Variants in DCHS2 observed in about 807,000 individuals in gnomAD.
The protein encoded by DCHS2 is protocadherin-23.
DCHS2 carries 142 observed loss-of-function variants against 182.4 expected under a neutral mutation model. The observed-to-expected ratio is 0.78, with a 90% CI of 0.68 to 0.89. The LOEUF (loss-of-function observed/expected upper bound fraction) is 0.89, where lower values mean the gene tolerates loss of function less well. Ranked by LOEUF, DCHS2 falls within the 40% of genes least tolerant of loss-of-function variation. DCHS2 has a pLI of 0.00. For missense variants in DCHS2, 4,319 were observed against 4,198.6 expected (o/e 1.03, Z -0.79); for synonymous variants, 1,740 against 1,663.3 (o/e 1.05, Z -1.12).
In DCHS2 at chr4:154,259,803, ATTCTT is replaced by A. The variant is rs1330195817; in HGVS notation, c.6578-52_6578-48del. The A allele has an allele frequency of 1.1e-5, 17 of 1,509,070 alleles. No individual in the cohort carries two copies. The African/African-American group carries it at 2.0e-4, about 18-fold the overall frequency. The allele number at this position is 1,509,070 out of a possible 1,614,324, so 93.5% of individuals were successfully genotyped here. On this transcript the variant is annotated intron_variant, in intron 14 of 19. Transcript: ENST00000357232. Reference sequence around the variant, plus strand: ...AAAAAAAGAAAATGATGTTGTAGTTATTCTTTTATTTTTTATTTTATTTATTTATT... The same window carrying A: ...AAAAAAAGAAAATGATGTTGTAGTTATTATTTTTTATTTTATTTATTTATT...
At chr4:154,297,653 G>A (rs1380220181) in intron 13 of DCHS2, among the ~76,000 whole-genome samples, 198 bp downstream of exon 13, 1 of 152,100 alleles carries the variant, frequency 6.6e-6, no homozygotes, top group Non-Finnish European at 1.5e-5. Context: ...GAAGGAATTT[G>A]GTCCTCACTG....
At chr4:154,267,888 A>G (rs543338356) in intron 14 of DCHS2, among the ~76,000 whole-genome samples, 20 of 152,348 alleles carry the variant, frequency 1.3e-4, no homozygotes, top group African/African-American at 4.8e-4. Context: ...TACTTGCAGT[A>G]AATGGCTTAG....
chr4:154,350,956 A>C (rs2111406649), intron 3 of DCHS2, among the ~76,000 whole-genome samples: 1 of 152,350 alleles, frequency 6.6e-6, no homozygotes, highest in Middle Eastern at 3.4e-3. Context: ...CAGGAAAAGA[A>C]GGGATGGCCA....
chr4:154,385,583 G>T (rs1167655605), intron 1 of DCHS2, among the ~76,000 whole-genome samples: 1 of 152,062 alleles, frequency 6.6e-6, no homozygotes, highest in East Asian at 1.9e-4. Flanking sequence ...CGCCTCCTGG[G>T]TTCAAGCGAT....
rs199614677 is a variant in DCHS2 at position 154,236,967 on chromosome 4, G to A, written c.7685C>T (p.Ala2562Val). ...KSYNLSLSED[A>V]LVGSTLVTFS... Reference sequence around the variant, plus strand: ...TGTAACAAGCGTGCTTCCAACCAGAGCATCCTCACTTAGGCTAAGATTATA... The same window carrying A: ...TGTAACAAGCGTGCTTCCAACCAGAACATCCTCACTTAGGCTAAGATTATA... The change falls in exon 20 of 20, where the codon GCT becomes GTT. Residue 2562 changes from alanine (A) to valine (V), a missense_variant. Physicochemically the swap from Ala to Val is moderately conservative, Grantham distance 64. Coordinates refer to ENST00000357232, the MANE Select transcript of DCHS2 (RefSeq NM_001358235.2). 6.2e-7 allele frequency: 1 copy of A among 1,614,022 alleles called. No homozygotes were observed. Among genetic ancestry groups the A allele is most frequent in the Admixed American group, 1.7e-5 (1 of 60,004 alleles).
intron 1 of DCHS2, among the ~76,000 whole-genome samples, chr4:154,440,781 G>A (rs1733976451): frequency 6.6e-6 from 1 of 151,976 alleles, no homozygotes; most frequent in Non-Finnish European, 1.5e-5. Flanking sequence ...TAAGACCAAA[G>A]AACACAGTAT....
At chr4:154,419,718 T>C (rs1438473005) in intron 1 of DCHS2, among the ~76,000 whole-genome samples, 2 of 127,434 alleles carry the variant, frequency 1.6e-5, no homozygotes, top group Non-Finnish European at 3.2e-5. Context: ...TAAAGGAATA[T>C]AGAGGAAAGG....
rs563535204 is a variant in DCHS2, at chr4:154,468,459, G to C, written c.2052+20845C>G. 3.9e-5 allele frequency among the ~76,000 whole-genome samples: 6 copies of C among 152,124 alleles called. No homozygotes were observed. In the East Asian group the frequency reaches 1.2e-3, roughly 29 times the overall value. On this transcript the variant is annotated intron_variant, in intron 1 of 19. Coordinates refer to ENST00000357232, the MANE Select transcript of DCHS2 (RefSeq NM_001358235.2). ...TTTGCCTGACCATTTCTCTATGTTA[G>C]CTTCTAATTATTCACTGGACACTTT...
intron 1 of DCHS2, among the ~76,000 whole-genome samples, chr4:154,452,724 C>T (rs1333535730): frequency 6.6e-6 from 1 of 152,088 alleles, no homozygotes. Context: ...TCCAAATAAC[C>T]CTAAATTTTT....
rs1728551266 is a variant in DCHS2 at position 154,333,032 on chromosome 4, C to T, written c.3176G>A (p.Gly1059Asp). 6.2e-7 allele frequency: 1 copy of T among 1,614,156 alleles called. No individual in the cohort carries two copies. Among genetic ancestry groups the T allele is most frequent in the Non-Finnish European group, 8.5e-7 (1 of 1,180,002 alleles). Reference protein sequence around the residue: ...LTLTLRAEDQGVHPQAALLVL... With the variant: ...LTLTLRAEDQDVHPQAALLVL... The stretch of plus-strand genomic sequence containing the variant: ...CAGCAGGGCTGCCTGAGGATGCACG[C>T]CTTGGTCCTCGGCCCTGAGAGTCAG... Residue 1059 changes from glycine to aspartate, a missense_variant, in exon 5 of 20, where the codon GGC (glycine) becomes GAC (aspartate). Coordinates refer to ENST00000357232, the MANE Select transcript of DCHS2 (RefSeq NM_001358235.2).
intron 1 of DCHS2, among the ~76,000 whole-genome samples, chr4:154,394,401 G>A (rs1731847058): frequency 6.6e-6 from 1 of 152,202 alleles, no homozygotes; most frequent in South Asian, 2.1e-4. Context: ...TAGCAGCTAT[G>A]TGACCTTGGA....
chr4:154,455,387 A>G (rs1388927877), intron 1 of DCHS2, among the ~76,000 whole-genome samples: 1 of 152,230 alleles, frequency 6.6e-6, no homozygotes, highest in Non-Finnish European at 1.5e-5. Flanking sequence ...GGGAATGGAA[A>G]AATTAAATAC....
intron 1 of DCHS2, among the ~76,000 whole-genome samples, chr4:154,378,590 C>T (rs1283107708): frequency 7.0e-6 from 1 of 143,230 alleles, no homozygotes; most frequent in South Asian, 2.4e-4. Context: ...TGCTACAGAA[C>T]ACGTACTCTT....
intron 3 of DCHS2, among the ~76,000 whole-genome samples, chr4:154,355,166 G>A (rs989331073): frequency 2.6e-5 from 4 of 152,000 alleles, no homozygotes; most frequent in African/African-American, 9.7e-5. Flanking sequence ...TGAGATAGGA[G>A]GTCAGCACAA....
rs1432290420 is a variant in DCHS2 at position 154,328,132 on chromosome 4, C to T, written c.3979G>A (p.Glu1327Lys). 6.2e-6 allele frequency: 10 copies of T among 1,609,610 alleles called. No individual in the cohort carries two copies. Among genetic ancestry groups the T allele is most frequent in the South Asian group, 3.3e-5 (3 of 89,966 alleles). Residue 1327 changes from glutamate to lysine, a missense_variant, in exon 7 of 20, where the codon GAA (glutamate) becomes AAA (lysine). By Grantham distance (56) the Glu-to-Lys change is moderately conservative. Transcript: ENST00000357232. ...VTTVFAKDPD[E>K]GNNAEVTYSV... is the part of the protein sequence containing the mutation. ...TATGTAACTTCTGCATTATTTCCTT[C>T]ATCAGGATCCTTTGCAAACACAGTT...
chr4:154,465,088 A>G (rs1336731833), intron 1 of DCHS2, among the ~76,000 whole-genome samples: 1 of 152,170 alleles, frequency 6.6e-6, no homozygotes, highest in African/African-American at 2.4e-5. Flanking sequence ...TTAAAACAAG[A>G]TATATTTATC....
chr4:154,461,965 T>C (rs1211243946), intron 1 of DCHS2, among the ~76,000 whole-genome samples: 2 of 152,166 alleles, frequency 1.3e-5, no homozygotes, highest in African/African-American at 2.4e-5. Flanking sequence ...CTGCACTTGA[T>C]GTTAAACTTA....
At chr4:154,400,302 CAA>C (rs56268638) in intron 1 of DCHS2, among the ~76,000 whole-genome samples, 6 of 91,440 alleles carry the variant, frequency 6.6e-5, no homozygotes, top group African/African-American at 7.9e-5. Flanking sequence ...GACTTCGTCT[CAA>C]AAAAAAAAAA....
chr4:154,292,060 A>C (rs3958360), intron 13 of DCHS2, among the ~76,000 whole-genome samples: 151,398 of 152,178 alleles, frequency 0.99, 75,312 homozygotes, highest in Middle Eastern at 1. Flanking sequence ...ATTTCACATA[A>C]CCCATAAATA....
Sources: allele counts gnomAD v4.1 joint callset (sites outside exome capture counted in the v4.1 genomes callset), GRCh38; gene constraint gnomAD v4.1.1; transcripts MANE v1.5; gene names NCBI Gene and HGNC (gene_info 2026-07-23, HGNC 2026-07-21).